Variants in TARBP1 observed in about 807,000 individuals in gnomAD.
TARBP1 encodes tRNA (guanosine(18)-2'-O)-methyltransferase TARBP1.
A neutral mutation model predicts 178.6 loss-of-function variants in TARBP1; 144 were observed. The observed-to-expected ratio is 0.81, with a 90% CI of 0.70 to 0.93. The LOEUF is 0.93. Ranked by LOEUF, TARBP1 falls within the 40% of genes least tolerant of loss-of-function variation. TARBP1 has a pLI of 0.00. For synonymous variants in TARBP1, 787 were observed against 781.0 expected, an observed-to-expected ratio of 1.01 and a Z score of -0.13; for missense variants, 2,067 against 2,011.7, an observed-to-expected ratio of 1.03 and a Z score of -0.53.
chr1:234,436,891 G>A (rs4920180), intron 13 of TARBP1, among the ~76,000 whole-genome samples: 15,522 of 152,186 alleles, frequency 0.1, 1,217 homozygotes, highest in East Asian at 0.32. Context: ...AAGAATCACT[G>A]ATGGAGCTTT....
chr1:234,433,991 A>T (rs1029009109), intron 13 of TARBP1, among the ~76,000 whole-genome samples: 1 of 152,236 alleles, frequency 6.6e-6, no homozygotes, highest in Non-Finnish European at 1.5e-5. Flanking sequence ...TCATAAGACA[A>T]CTAAGTTTCA....
At chr1:234,405,329 A>C (rs1661104760) in intron 24 of TARBP1, 1 of 152,280 alleles carries the variant, frequency 6.6e-6, no homozygotes, top group South Asian at 2.1e-4. Context: ...TGCTTATGAC[A>C]CTGCAGCCTG....
intron 20 of TARBP1, among the ~76,000 whole-genome samples, chr1:234,425,218 C>T (rs1663596340): frequency 6.6e-6 from 1 of 152,008 alleles, no homozygotes; most frequent in Admixed American, 6.6e-5. Context: ...GGCGACAGAG[C>T]AAGACTCTGT....
Position 234,459,324 on chromosome 1 carries a change from T to C in TARBP1, c.1538A>G (p.Asp513Gly), listed in dbSNP as rs35562024. 11,571 of 1,603,720 alleles carry C rather than the reference T, an allele frequency of 7.2e-3. 152 individuals are homozygous for C. Among genetic ancestry groups the C allele is most frequent in the African/African-American group, 0.062 (4,626 of 74,456 alleles). Reference sequence around the variant, plus strand: ...TGTGATCATAGTGCAATGAATAACATCCCTGACATCGAAACACAAAAAATG... The same window carrying C: ...TGTGATCATAGTGCAATGAATAACACCCCTGACATCGAAACACAAAAAATG... ...LGIDGLLALR[D>G]VIHCTMITHQ... is the part of the protein sequence containing the mutation. Residue 513 changes from aspartate (D) to glycine (G), a missense_variant and splice_region_variant, in exon 8 of 30, where the codon GAT becomes GGT. By Grantham distance (94) the Asp-to-Gly change is moderately conservative (BLOSUM62 -1). Coordinates refer to ENST00000040877, the MANE Select transcript of TARBP1 (RefSeq NM_005646.4).
intron 1 of TARBP1, among the ~76,000 whole-genome samples, chr1:234,473,482 G>C (rs1669270521): frequency 6.6e-6 from 1 of 152,360 alleles, no homozygotes; most frequent in South Asian, 2.1e-4. Flanking sequence ...TACTGACAAA[G>C]GGGATTCAGC....
intron 12 of TARBP1, among the ~76,000 whole-genome samples, chr1:234,441,192 T>TA (rs1043050823): frequency 1.8e-4 from 27 of 152,218 alleles, no homozygotes; most frequent in African/African-American, 6.3e-4. Context: ...TCTAAATAAA[T>TA]AAATGTAAGG....
intron 1 of TARBP1, among the ~76,000 whole-genome samples, chr1:234,476,301 G>A (rs1196293731): frequency 6.6e-6 from 1 of 152,132 alleles, no homozygotes; most frequent in Non-Finnish European, 1.5e-5. Flanking sequence ...TCCTATTTCA[G>A]GAAACTGCTA....
rs907921024 is a variant in TARBP1, at chr1:234,401,178, C to T, written c.4071+3G>A. ...GAATTTACAAATGATATTCTCTACT[C>T]ACCTCTAGACAATAATCCTTGAGTG... On this transcript the variant is annotated splice_donor_region_variant and intron_variant, in intron 25 of 29. Transcript: ENST00000040877. The T allele has an allele frequency of 6.2e-7, 1 of 1,607,954 alleles. No individual in the cohort carries two copies. Among genetic ancestry groups the T allele is most frequent in the South Asian group, 1.1e-5 (1 of 90,586 alleles).
At chr1:234,440,196 T>C (rs766624299) in intron 12 of TARBP1, among the ~76,000 whole-genome samples, 4 of 152,074 alleles carry the variant, frequency 2.6e-5, no homozygotes, top group Non-Finnish European at 4.4e-5. Flanking sequence ...TGGGATATAG[T>C]TAAAGCAACA....
At position 234,433,555 on chromosome 1, in the gene TARBP1, C is replaced by G. The variant is rs201722269; in HGVS notation, c.2249G>C (p.Arg750Pro). 6.2e-7 allele frequency: 1 copy of G among 1,610,476 alleles called. No individual in the cohort carries two copies. Among genetic ancestry groups the G allele is most frequent in the Non-Finnish European group, 8.5e-7 (1 of 1,179,280 alleles). Residue 750 changes from arginine (R) to proline (P), a missense_variant, in exon 14 of 30, where the codon CGT (arginine) becomes CCT (proline). Transcript: ENST00000040877. ...TAACACCATCAGGTATAAATGGCAA[C>G]GATCCAGATCTGAAACCTAAGACAA... Reference protein sequence around the residue: ...NELNSVSDLDRCHLYLMVLTE... With the variant: ...NELNSVSDLDPCHLYLMVLTE...
At chr1:234,431,086 A>G (rs375869518) in intron 14 of TARBP1, among the ~76,000 whole-genome samples, 2 of 152,232 alleles carry the variant, frequency 1.3e-5, no homozygotes, top group African/African-American at 4.8e-5. Flanking sequence ...GCAGGCAAGA[A>G]GTCAGACACA....
At chr1:234,471,312 C>A in intron 2 of TARBP1, 55 bp from the exon 3 acceptor site, 1 of 1,201,890 alleles carries the variant, frequency 8.3e-7, no homozygotes, top group Non-Finnish European at 1.2e-6. Flanking sequence ...TGAAAAATGT[C>A]AGGCAATTTT....
chr1:234,446,028 GCTA>G (rs1666133590), intron 12 of TARBP1, among the ~76,000 whole-genome samples: 1 of 148,180 alleles, frequency 6.7e-6, no homozygotes, highest in Admixed American at 7.0e-5. Context: ...ATTTGGTTCT[GCTA>G]CTATCATTAT....
rs757325948 is a variant in TARBP1, at chr1:234,459,368, G to A, written c.1536-42C>T. The A allele has an allele frequency of 2.1e-6, 3 of 1,422,830 alleles. No homozygotes were observed. The Admixed American group carries it at 6.0e-5, about 28-fold the overall frequency. 88.1% of individuals were successfully genotyped at this position (1,422,830 alleles called of 1,614,324 possible). A position where few individuals can be genotyped will look rare whatever the true frequency, so the allele number is the denominator to read the frequency against. Reference sequence around the variant, plus strand: ...AAAAATGCAGTTCCGTATTCCCAAAGACAATTCTGATAATTTGTGATTATC... The same window carrying A: ...AAAAATGCAGTTCCGTATTCCCAAAAACAATTCTGATAATTTGTGATTATC... On this transcript the variant is annotated intron_variant, in intron 7 of 29. Coordinates refer to ENST00000040877, the MANE Select transcript of TARBP1 (RefSeq NM_005646.4).
In TARBP1 at chr1:234,453,620, A is replaced by G. The variant is rs1667007447; in HGVS notation, c.1723-3054T>C. 2.6e-5 allele frequency among the ~76,000 whole-genome samples: 4 copies of G among 152,334 alleles called. No homozygotes were observed. In the South Asian group the frequency reaches 6.2e-4, roughly 24 times the overall value. ...ATTTCTATAGGTTTAAAATTACTGAATATCAATGATTTTACATGACTTAAC... is the reference window on the plus strand; with the variant it reads ...ATTTCTATAGGTTTAAAATTACTGAGTATCAATGATTTTACATGACTTAAC... On this transcript the variant is annotated intron_variant, in intron 9 of 29. Transcript: ENST00000040877.
chr1:234,444,471 T>A (rs1473011663), intron 12 of TARBP1, among the ~76,000 whole-genome samples: 1 of 152,134 alleles, frequency 6.6e-6, no homozygotes, highest in Non-Finnish European at 1.5e-5. Context: ...TTAGGCACAG[T>A]AAAGTGGTAT....
intron 12 of TARBP1, 39 bp from the exon 13 acceptor site, chr1:234,437,411 A>T (rs1665140772): frequency 9.2e-7 from 1 of 1,089,708 alleles, no homozygotes; most frequent in Non-Finnish European, 1.3e-6. Context: ...AAATGACAGC[A>T]GTTCTTTGGT....
rs758665029 is a variant in TARBP1 at position 234,446,834 on chromosome 1, T to C, written c.2103A>G (p.Thr701=). The change falls in exon 12 of 30, where the codon ACA becomes ACG. Residue 701 remains threonine, a synonymous_variant. Transcript: ENST00000040877. ...CLQLLLKLLN[T]CRLKGSSAQD... ...GGGCACTGGAACCTTTCAACCTGCA[T>C]GTGTTCAACAGCTTCAACAGCAGCT... 1.9e-6 allele frequency: 3 copies of C among 1,613,990 alleles called. No individual in the cohort carries two copies. The highest frequency in any genetic ancestry group is 2.2e-5 in the East Asian group (1 of 44,880).
At chr1:234,418,337 T>G (rs1362798397) in intron 21 of TARBP1, 104 bp from the exon 22 acceptor site, 1 of 995,804 alleles carries the variant, frequency 1.0e-6, no homozygotes, top group Admixed American at 3.3e-5. Context: ...CATAAGTAAT[T>G]TATTGGATCT....
Sources: allele counts gnomAD v4.1 joint callset (sites outside exome capture counted in the v4.1 genomes callset), GRCh38; gene constraint gnomAD v4.1.1; transcripts MANE v1.5; gene names NCBI Gene and HGNC (gene_info 2026-07-23, HGNC 2026-07-21).